The following FAM3C variants were observed in gnomAD, a reference collection of about 807,000 sequenced individuals.
FAM3C encodes protein FAM3C.
Under a neutral mutation model 32.5 loss-of-function variants are expected in FAM3C, and 15 were observed. That is an observed-to-expected ratio of 0.46 (90% CI 0.31 to 0.71). The LOEUF (loss-of-function observed/expected upper bound fraction) is 0.71, where lower values mean the gene tolerates loss of function less well. Ranked by LOEUF, FAM3C falls within the 30% of genes least tolerant of loss-of-function variation. FAM3C has a pLI of 0.05. For synonymous variants in FAM3C, 75 were observed against 86.1 expected, an observed-to-expected ratio of 0.87 and a Z score of 0.72; for missense variants, 175 against 274.4, an observed-to-expected ratio of 0.64 and a Z score of 2.56.
chr7:121,386,853 C>A (rs1794475369), intron 1 of FAM3C, among the ~76,000 whole-genome samples: 1 of 151,944 alleles, frequency 6.6e-6, no homozygotes, highest in Non-Finnish European at 1.5e-5. Context: ...AAGAATGCTA[C>A]AACTCAAAGA....
chr7:121,362,144 G>T (rs1793938444), intron 7 of FAM3C, among the ~76,000 whole-genome samples: 1 of 152,100 alleles, frequency 6.6e-6, no homozygotes, highest in Non-Finnish European at 1.5e-5. Flanking sequence ...CCAAATTAAA[G>T]AATCAAAAGA....
chr7:121,356,772 C>A (rs1289259117), intron 8 of FAM3C, among the ~76,000 whole-genome samples: 2 of 152,126 alleles, frequency 1.3e-5, no homozygotes, highest in African/African-American at 2.4e-5. Context: ...AGGAAGAATA[C>A]AATTGGCAAG....
intron 5 of FAM3C, among the ~76,000 whole-genome samples, chr7:121,366,265 T>G (rs1254792887): frequency 1.3e-5 from 2 of 152,226 alleles, no homozygotes; most frequent in African/African-American, 4.8e-5. Context: ...TTACTCATTA[T>G]AGTTAAAAAG....
At chr7:121,384,615 G>C (rs1367810445) in intron 1 of FAM3C, among the ~76,000 whole-genome samples, 1 of 152,156 alleles carries the variant, frequency 6.6e-6, no homozygotes, top group Non-Finnish European at 1.5e-5. Context: ...AGTGGATGCT[G>C]CATGTACCTG....
At chr7:121,385,920 G>A (rs2116957812) in intron 1 of FAM3C, among the ~76,000 whole-genome samples, 1 of 152,198 alleles carries the variant, frequency 6.6e-6, no homozygotes, top group Non-Finnish European at 1.5e-5. Flanking sequence ...TGAGATCAGG[G>A]GATTTCTCTA....
At chr7:121,360,271 A>G (rs1344067631) in intron 7 of FAM3C, 144 bp from the exon 8 acceptor site, 1 of 563,992 alleles carries the variant, frequency 1.8e-6, no homozygotes, top group African/African-American at 1.9e-5. Flanking sequence ...GACAAATCTC[A>G]TAAAGAGTTT....
At chr7:121,386,366 T>C (rs900402409) in intron 1 of FAM3C, among the ~76,000 whole-genome samples, 1 of 152,082 alleles carries the variant, frequency 6.6e-6, no homozygotes, top group Admixed American at 6.6e-5. Flanking sequence ...TTCCCATGAT[T>C]CTAATAATAA....
intron 1 of FAM3C, among the ~76,000 whole-genome samples, chr7:121,388,260 A>ACT (rs1554376480): frequency 6.7e-6 from 1 of 150,044 alleles, no homozygotes; most frequent in East Asian, 2.0e-4. Context: ...ACACACACAC[A>ACT]CTCACACACT....
chr7:121,373,278 C>T (rs1261452361), intron 3 of FAM3C, among the ~76,000 whole-genome samples: 2 of 152,154 alleles, frequency 1.3e-5, no homozygotes, highest in Non-Finnish European at 2.9e-5. Context: ...GGTGAAGAAA[C>T]TCCTGTGAAA....
At chr7:121,351,367 G>T in intron 8 of FAM3C, 98 bp from the exon 9 acceptor site, 1 of 1,105,968 alleles carries the variant, frequency 9.0e-7, no homozygotes. Flanking sequence ...GACAAAATGA[G>T]ACTTTAAATA....
At chr7:121,375,380 C>A (rs143634263) in intron 3 of FAM3C, among the ~76,000 whole-genome samples, 2 of 152,158 alleles carry the variant, frequency 1.3e-5, no homozygotes, top group Non-Finnish European at 2.9e-5. Flanking sequence ...AGAGTGTGAC[C>A]CATGCAGGAA....
intron 7 of FAM3C, among the ~76,000 whole-genome samples, chr7:121,361,425 C>A (rs781129283): frequency 6.6e-6 from 1 of 152,170 alleles, no homozygotes; most frequent in African/African-American, 2.4e-5. Context: ...TAAACTGCAA[C>A]AATTTCCTAA....
chr7:121,389,710 A>T (rs997625957), intron 1 of FAM3C, among the ~76,000 whole-genome samples: 1 of 152,050 alleles, frequency 6.6e-6, no homozygotes, highest in African/African-American at 2.4e-5. Context: ...ATATGTGTAT[A>T]ATCACCTAGC....
rs1793889431 is a variant in FAM3C at position 121,360,087 on chromosome 7, A to G, written c.423T>C (p.Asp141=). 1.2e-6 allele frequency: 2 copies of G among 1,602,512 alleles called. No homozygotes were observed. Among genetic ancestry groups the G allele is most frequent in the South Asian group, 1.1e-5 (1 of 90,786 alleles). The change falls in exon 8 of 10, where the codon GAT becomes GAC. Residue 141 remains aspartate (D), a synonymous_variant. Transcript: ENST00000359943. ...PFIEFLKAIQ[D]GTIVLMGTYD... is the part of the protein sequence containing the mutation. ...ATGTTCCCATTAAAACTATTGTTCC[A>G]TCTTGTATGGCCTTCAGAAACTCAA...
intron 6 of FAM3C, 68 bp from the exon 7 acceptor site, chr7:121,363,015 C>T: frequency 1.4e-6 from 1 of 731,092 alleles, no homozygotes; most frequent in South Asian, 1.7e-5. Flanking sequence ...GACCAATAAT[C>T]TCATCCAATG....
intron 9 of FAM3C, 108 bp downstream of exon 9, chr7:121,351,035 A>G (rs1254687875): frequency 2.0e-6 from 2 of 976,916 alleles, no homozygotes; most frequent in East Asian, 4.9e-5. Context: ...ATATATGATC[A>G]TATTTACTAT....
chr7:121,386,559 TAC>T (rs372621805), intron 1 of FAM3C, among the ~76,000 whole-genome samples: 14 of 150,686 alleles, frequency 9.3e-5, no homozygotes, highest in South Asian at 4.2e-4. Flanking sequence ...AATAAACATA[TAC>T]ACACACACAC....
intron 1 of FAM3C, among the ~76,000 whole-genome samples, chr7:121,390,860 G>C (rs796856342): frequency 0.022 from 619 of 28,758 alleles, 137 homozygotes; most frequent in African/African-American, 0.043. Context: ...GGGCGGGGGG[G>C]GGGGGGGGGG....
intron 2 of FAM3C, among the ~76,000 whole-genome samples, chr7:121,380,637 C>G (rs1794330353): frequency 6.6e-6 from 1 of 151,412 alleles, no homozygotes; most frequent in Non-Finnish European, 1.5e-5. Context: ...ATCTGTACAC[C>G]AAGCCCCTGT....
Sources: allele counts gnomAD v4.1 joint callset (sites outside exome capture counted in the v4.1 genomes callset), GRCh38; gene constraint gnomAD v4.1.1; transcripts MANE v1.5; gene names NCBI Gene and HGNC (gene_info 2026-07-23, HGNC 2026-07-21).